The following CSMD1 variants were observed in gnomAD, a reference collection of about 807,000 sequenced individuals.
CSMD1 encodes CUB and sushi domain-containing protein 1.
Under a neutral mutation model 417.5 loss-of-function variants are expected in CSMD1, and 213 were observed. That is an observed-to-expected ratio of 0.51 (90% CI 0.46 to 0.57). The LOEUF (loss-of-function observed/expected upper bound fraction) is 0.57. CSMD1 is among the 20% of genes least tolerant of loss of function. The pLI, the probability that CSMD1 is intolerant of heterozygous loss-of-function variation, is 0.00. For missense variants in CSMD1, 6,923 were observed against 4,529.7 expected (o/e 1.53, Z -15.17); for synonymous variants, 2,862 against 1,736.8 (o/e 1.65, Z -16.11).
chr8:4,720,123 T>C (rs1051968726), intron 1 of CSMD1, among the ~76,000 whole-genome samples: 1 of 151,366 alleles, frequency 6.6e-6, no homozygotes, highest in African/African-American at 2.4e-5. Flanking sequence ...TGGTTTGGAG[T>C]TTTTGTATTT....
intron 3 of CSMD1, among the ~76,000 whole-genome samples, chr8:4,181,126 C>T (rs983646980): frequency 6.6e-6 from 1 of 152,136 alleles, no homozygotes; most frequent in South Asian, 2.1e-4. Flanking sequence ...ATTCCAAGTG[C>T]TGCGAAACAG....
chr8:3,294,903 C>G (rs1479603703), intron 25 of CSMD1, among the ~76,000 whole-genome samples: 1 of 152,092 alleles, frequency 6.6e-6, no homozygotes, highest in African/African-American at 2.4e-5. Flanking sequence ...AATCGCCCGT[C>G]TTCTGCGTCA....
intron 3 of CSMD1, among the ~76,000 whole-genome samples, chr8:4,045,302 T>C (rs555604139): frequency 6.6e-6 from 1 of 152,316 alleles, no homozygotes; most frequent in Admixed American, 6.5e-5. Flanking sequence ...AATTCTGTCC[T>C]TATAGGGTTA....
intron 10 of CSMD1, among the ~76,000 whole-genome samples, chr8:3,528,464 G>A (rs1339048440): frequency 6.6e-6 from 1 of 152,196 alleles, no homozygotes; most frequent in Non-Finnish European, 1.5e-5. Flanking sequence ...CCTTGCTTCA[G>A]CTTCCAAACC....
intron 1 of CSMD1, among the ~76,000 whole-genome samples, chr8:4,814,892 T>C (rs1799119405): frequency 6.6e-6 from 1 of 152,196 alleles, no homozygotes; most frequent in Non-Finnish European, 1.5e-5. Context: ...TGATAAAAAC[T>C]ATATAATCAC....
At chr8:4,782,706 C>G (rs923368686) in intron 1 of CSMD1, among the ~76,000 whole-genome samples, 2 of 151,984 alleles carry the variant, frequency 1.3e-5, no homozygotes, top group Non-Finnish European at 2.9e-5. Context: ...TTATCTTTGT[C>G]GCTTTAATTT....
At chr8:4,768,271 C>T (rs545303784) in intron 1 of CSMD1, among the ~76,000 whole-genome samples, 8 of 152,088 alleles carry the variant, frequency 5.3e-5, no homozygotes, top group South Asian at 4.2e-4. Flanking sequence ...CCCTAACCTC[C>T]GAGAGAGCAC....
chr8:4,261,678 G>C (rs1803893884), intron 3 of CSMD1, among the ~76,000 whole-genome samples: 1 of 152,166 alleles, frequency 6.6e-6, no homozygotes, highest in South Asian at 2.1e-4. Flanking sequence ...CCAAAATGCT[G>C]GGACTACAGG....
At chr8:4,406,579 C>G (rs1805036972) in intron 3 of CSMD1, among the ~76,000 whole-genome samples, 1 of 152,096 alleles carries the variant, frequency 6.6e-6, no homozygotes, top group African/African-American at 2.4e-5. Context: ...ATATGAGCTT[C>G]TGAGACAGAT....
intron 3 of CSMD1, among the ~76,000 whole-genome samples, chr8:4,206,167 G>A (rs182232349): frequency 1.0e-3 from 158 of 152,158 alleles, no homozygotes; most frequent in African/African-American, 3.5e-3. Flanking sequence ...CAGAATATAT[G>A]GAAATACATG....
chr8:4,483,005 T>A (rs1424394154), intron 2 of CSMD1, among the ~76,000 whole-genome samples: 1 of 152,190 alleles, frequency 6.6e-6, no homozygotes, highest in Non-Finnish European at 1.5e-5. Context: ...AGTTTAGCAA[T>A]TGATTGGTTT....
chr8:3,348,022 G>C lies in CSMD1; in HGVS notation c.3444C>G (p.Ser1148Arg), dbSNP rs772615494. The change falls in exon 22 of 70, where the codon AGC becomes AGG. Residue 1148 changes from serine to arginine, a missense_variant. Ser to Arg is a moderately radical substitution (Grantham distance 110). Transcript: ENST00000635120. ...GAGTATCTCCTTCAAACAGCTGGAA[G>C]CTTCGTGTTCTAAGGTGGATGCCCT... Reference protein sequence around the residue: ...AGKGIHLRTRSFQLFEGDTLK... With the variant: ...AGKGIHLRTRRFQLFEGDTLK... The C allele has an allele frequency of 6.2e-7, 1 of 1,606,120 alleles. No homozygotes were observed. The highest frequency in any genetic ancestry group is 1.1e-5 in the South Asian group (1 of 89,472).
chr8:4,834,070 T>C (rs1800313710), intron 1 of CSMD1, among the ~76,000 whole-genome samples: 1 of 152,204 alleles, frequency 6.6e-6, no homozygotes, highest in Non-Finnish European at 1.5e-5. Flanking sequence ...GTAATTTTAC[T>C]ATTGGACTCC....
At chr8:4,059,192 A>C (rs925136448) in intron 3 of CSMD1, among the ~76,000 whole-genome samples, 2 of 152,194 alleles carry the variant, frequency 1.3e-5, no homozygotes, top group Non-Finnish European at 2.9e-5. Context: ...CTGAATGACT[A>C]CTGGGTACAT....
At chr8:2,969,614 T>C (rs1804262816) in intron 57 of CSMD1, among the ~76,000 whole-genome samples, 1 of 152,204 alleles carries the variant, frequency 6.6e-6, no homozygotes, top group Non-Finnish European at 1.5e-5. Flanking sequence ...TCATCAGGTT[T>C]GCAATAATCT....
chr8:4,920,172 G>A (rs1296353774), intron 1 of CSMD1, among the ~76,000 whole-genome samples: 1 of 152,114 alleles, frequency 6.6e-6, no homozygotes, highest in African/African-American at 2.4e-5. Flanking sequence ...TTGAGTCAAT[G>A]CCTTTTCTAA....
rs559049877 is a variant in CSMD1, at chr8:3,476,949, G to T, written c.1449-8125C>A. Reference sequence around the variant, plus strand: ...AAAAAAAAATGTGAATCAGTAAGTAGTTCAGGGTTTAAGTTGGGGGAGCCT... The same window carrying T: ...AAAAAAAAATGTGAATCAGTAAGTATTTCAGGGTTTAAGTTGGGGGAGCCT... On this transcript the variant is annotated intron_variant, in intron 11 of 69. Coordinates refer to ENST00000635120, the MANE Select transcript of CSMD1 (RefSeq NM_033225.6). Among the ~76,000 whole-genome samples, 4 of 150,302 alleles carry T rather than the reference G, an allele frequency of 2.7e-5. No homozygotes were observed. In the Middle Eastern group the frequency reaches 9.8e-3, roughly 368 times the overall value.
chr8:4,161,822 T>C (rs1358057707), intron 3 of CSMD1, among the ~76,000 whole-genome samples: 1 of 152,234 alleles, frequency 6.6e-6, no homozygotes, highest in Non-Finnish European at 1.5e-5. Flanking sequence ...CATAATCTGC[T>C]ATATGATATG....
intron 3 of CSMD1, among the ~76,000 whole-genome samples, chr8:4,259,999 T>C (rs1010301710): frequency 1.3e-5 from 2 of 148,832 alleles, no homozygotes; most frequent in Non-Finnish European, 3.0e-5. Flanking sequence ...ATAAAGCACA[T>C]CAGTTAACAT....
Sources: allele counts gnomAD v4.1 joint callset (sites outside exome capture counted in the v4.1 genomes callset), GRCh38; gene constraint gnomAD v4.1.1; transcripts MANE v1.5; gene names NCBI Gene and HGNC (gene_info 2026-07-23, HGNC 2026-07-21).